The following SGIP1 variants were observed in gnomAD, a reference collection of about 807,000 sequenced individuals.
The protein encoded by SGIP1 is SH3GL interacting endocytic adaptor 1.
SGIP1 carries 38 observed loss-of-function variants against 107.5 expected under a neutral mutation model. The observed-to-expected ratio is 0.35, with a 90% CI of 0.27 to 0.46. The LOEUF is 0.46. SGIP1 is among the 20% of genes least tolerant of loss of function. SGIP1 has a pLI of 1.00. For synonymous variants in SGIP1, 365 were observed against 366.1 expected, an observed-to-expected ratio of 1.00 and a Z score of 0.03; for missense variants, 929 against 1,019.5, an observed-to-expected ratio of 0.91 and a Z score of 1.21.
At chr1:66,669,237 C>G (rs142211236) in intron 9 of SGIP1, among the ~76,000 whole-genome samples, 1 of 152,202 alleles carries the variant, frequency 6.6e-6, no homozygotes, top group Admixed American at 6.5e-5. Flanking sequence ...TCTTTAGTGC[C>G]TTTCAACTGT....
At chr1:66,557,052 A>G (rs2058286932) in intron 1 of SGIP1, among the ~76,000 whole-genome samples, 3 of 152,088 alleles carry the variant, frequency 2.0e-5, no homozygotes, top group Non-Finnish European at 4.4e-5. Flanking sequence ...ATTTGTAGGT[A>G]CCCTGAGATG....
intron 1 of SGIP1, among the ~76,000 whole-genome samples, chr1:66,607,861 A>C (rs2067156498): frequency 6.6e-6 from 1 of 152,178 alleles, no homozygotes; most frequent in South Asian, 2.1e-4. Flanking sequence ...CTATAACAAC[A>C]CTAGCAAGAA....
chr1:66,671,133 A>G (rs1374470496), intron 10 of SGIP1, 114 bp downstream of exon 10: 3 of 494,360 alleles, frequency 6.1e-6, no homozygotes, highest in African/African-American at 5.9e-5. Context: ...AATTTTTAAG[A>G]CTTACAATTT....
Position 66,681,995 on chromosome 1 carries a change from A to G in SGIP1, c.941A>G (p.His314Arg). Residue 314 changes from histidine (H) to arginine (R), a missense_variant, in exon 15 of 25, where the codon CAT becomes CGT. Around this residue, in one of 2 missense-constraint regions of SGIP1, gnomAD observed 588 missense variants for 588.6 expected, o/e 1.00. Transcript: ENST00000371037. ...VAVNAEEKWV[H>R]FSDTSPEHVT... The stretch of plus-strand genomic sequence containing the variant: ...GTTAATGCTGAAGAAAAGTGGGTCC[A>G]TTTTTCTGATACATCCCCGGAACAT... 6.2e-7 allele frequency: 1 copy of G among 1,614,038 alleles called. No homozygotes were observed. The highest frequency in any genetic ancestry group is 8.5e-7 in the Non-Finnish European group (1 of 1,179,992).
chr1:66,625,817 A>G lies in SGIP1; in HGVS notation c.11-30A>G, dbSNP rs770672124. ...ATGTTCACTTGAATGTTGCTGAGAGAGTTTTTGACCCTTTGCTGTTTTCCC... is the reference window on the plus strand; with the variant it reads ...ATGTTCACTTGAATGTTGCTGAGAGGGTTTTTGACCCTTTGCTGTTTTCCC... On this transcript the variant is annotated intron_variant, in intron 1 of 24. Coordinates refer to ENST00000371037, the MANE Select transcript of SGIP1 (RefSeq NM_032291.4). 10 of 1,598,646 alleles carry G rather than the reference A, an allele frequency of 6.3e-6. No individual in the cohort carries two copies. The African/African-American group carries it at 1.2e-4, about 19-fold the overall frequency.
intron 1 of SGIP1, among the ~76,000 whole-genome samples, chr1:66,591,828 G>A (rs564466202): frequency 3.3e-5 from 5 of 152,316 alleles, no homozygotes; most frequent in East Asian, 1.9e-4. Context: ...GCAGGAAAAC[G>A]TGAGCAAAGA....
chr1:66,625,123 A>T (rs1262335072), intron 1 of SGIP1, among the ~76,000 whole-genome samples: 1 of 152,224 alleles, frequency 6.6e-6, no homozygotes, highest in Admixed American at 6.5e-5. Flanking sequence ...TACATATAAG[A>T]GCAACATTTT....
chr1:66,594,819 C>T (rs542893354), intron 1 of SGIP1, among the ~76,000 whole-genome samples: 2 of 152,226 alleles, frequency 1.3e-5, no homozygotes, highest in African/African-American at 4.8e-5. Context: ...TAGGACCCAA[C>T]CTCACAAGAT....
At chr1:66,711,959 G>T (rs1288063244) in intron 18 of SGIP1, among the ~76,000 whole-genome samples, 1 of 152,120 alleles carries the variant, frequency 6.6e-6, no homozygotes. Flanking sequence ...TCATTGACCA[G>T]CTCAGGTCAA....
At chr1:66,684,274 T>A in intron 15 of SGIP1, 1 of 1,536,970 alleles carries the variant, frequency 6.5e-7, no homozygotes, top group Non-Finnish European at 8.8e-7. Context: ...CCAAACTTAT[T>A]TGACTACTGA....
chr1:66,709,454 A>G (rs2092760600), intron 18 of SGIP1, among the ~76,000 whole-genome samples: 1 of 152,104 alleles, frequency 6.6e-6, no homozygotes, highest in Admixed American at 6.6e-5. Flanking sequence ...AACATGGGTA[A>G]ACGGTTCTCT....
intron 1 of SGIP1, among the ~76,000 whole-genome samples, chr1:66,595,066 C>A (rs1023713381): frequency 6.6e-6 from 1 of 152,134 alleles, no homozygotes; most frequent in Admixed American, 6.5e-5. Context: ...ACAAATTTTC[C>A]AGGGGCACGC....
rs573104681 is a variant in SGIP1 at position 66,586,750 on chromosome 1, C to T, written c.11-39097C>T. Among the ~76,000 whole-genome samples the T allele has an allele frequency of 2.6e-4, 40 of 152,142 alleles. 1 individual carries two copies. In the East Asian group the frequency reaches 2.7e-3, roughly 10 times the overall value. ...GAAGATGGAAAGCCTATTATATTTA[C>T]CCATATTTTTGTTTACTGTGCTATT... is the stretch of plus-strand genomic sequence containing the variant. On this transcript the variant is annotated intron_variant, in intron 1 of 24. Coordinates refer to ENST00000371037, the MANE Select transcript of SGIP1 (RefSeq NM_032291.4).
At chr1:66,621,939 C>T (rs2071246243) in intron 1 of SGIP1, among the ~76,000 whole-genome samples, 1 of 152,098 alleles carries the variant, frequency 6.6e-6, no homozygotes, top group South Asian at 2.1e-4. Flanking sequence ...GCTTTTATTA[C>T]ATATGTATTA....
intron 1 of SGIP1, among the ~76,000 whole-genome samples, chr1:66,540,231 CAA>C (rs34113593): frequency 0.25 from 38,095 of 150,684 alleles, 5,326 homozygotes; most frequent in African/African-American, 0.37. Flanking sequence ...TATTGAGATG[CAA>C]AAAAAAAAGA....
intron 1 of SGIP1, among the ~76,000 whole-genome samples, chr1:66,602,050 C>T (rs1394527851): frequency 3.3e-5 from 5 of 152,216 alleles, no homozygotes; most frequent in Non-Finnish European, 5.9e-5. Flanking sequence ...GAGCTGCTAA[C>T]ATCAGGTGTA....
At chr1:66,677,820 A>G (rs1040352051) in intron 13 of SGIP1, among the ~76,000 whole-genome samples, 1 of 152,192 alleles carries the variant, frequency 6.6e-6, no homozygotes, top group Non-Finnish European at 1.5e-5. Context: ...ACTCTTTTCA[A>G]AAAAAGGTGT....
intron 24 of SGIP1, among the ~76,000 whole-genome samples, chr1:66,742,869 T>G (rs1372483462): frequency 6.6e-6 from 1 of 152,156 alleles, no homozygotes; most frequent in Non-Finnish European, 1.5e-5. Flanking sequence ...TGTTGATCTA[T>G]GGAAATGTGA....
rs372325417 is a variant in SGIP1, at chr1:66,643,708, C to G, written c.448C>G (p.Pro150Ala). 189 of 1,608,046 alleles carry G rather than the reference C, an allele frequency of 1.2e-4. No individual in the cohort carries two copies. Among genetic ancestry groups the G allele is most frequent in the Non-Finnish European group, 1.6e-4 (186 of 1,178,000 alleles). Residue 150 changes from proline to alanine, a missense_variant, in exon 7 of 25, where the codon CCA becomes GCA. Physicochemically the swap from Pro to Ala is conservative, Grantham distance 27. Coordinates refer to ENST00000371037, the MANE Select transcript of SGIP1 (RefSeq NM_032291.4). ...ATCAATAGGCAACATCGCACTTTCC[C>G]CATCACCAGTGGTGAGTGTTGTGTG... The part of the protein sequence containing the change: ...KASIGNIALS[P>A]SPVRKSPRRS...
Sources: gnomAD v4.1 joint callset for allele counts (sites outside exome capture counted in the v4.1 genomes callset) on GRCh38, gnomAD v4.1.1 for gene constraint, gnomAD v4.1.1 regional missense constraint, MANE v1.5 for transcripts, NCBI Gene and HGNC (gene_info 2026-07-23, HGNC 2026-07-21) for gene names.